The following ABLIM1 variants were observed in gnomAD, a reference collection of about 807,000 sequenced individuals.
ABLIM1 encodes the protein actin-binding LIM protein 1.
ABLIM1 carries 40 observed loss-of-function variants against 107.0 expected under a neutral mutation model. The ratio of observed to expected loss-of-function variants is 0.37; its 90% CI spans 0.29 to 0.49. The LOEUF is 0.49. ABLIM1 is among the 20% of genes least tolerant of loss of function. The pLI, the probability that ABLIM1 is intolerant of heterozygous loss-of-function variation, is 0.97. For missense variants in ABLIM1, 857 were observed against 1,008.5 expected (o/e 0.85, Z 2.04); for synonymous variants, 357 against 357.3 (o/e 1.00, Z 0.01).
rs1162464297 is a variant in ABLIM1 at position 114,550,520 on chromosome 10, A to G, written c.674-2744T>C. 4.6e-5 allele frequency among the ~76,000 whole-genome samples: 7 copies of G among 152,130 alleles called. No homozygotes were observed. The South Asian group carries it at 1.2e-3, about 27-fold the overall frequency. On this transcript the variant is annotated intron_variant, in intron 4 of 22. Transcript: ENST00000533213. ...TTAGCAACATCCCCCACCAGAGTGG[A>G]ACCATTGTTATAATTGATGAACTGA...
intron 6 of ABLIM1, among the ~76,000 whole-genome samples, chr10:114,511,765 A>G (rs958324156): frequency 6.6e-5 from 10 of 152,214 alleles, no homozygotes; most frequent in Non-Finnish European, 1.3e-4. Context: ...TGCATCAAAC[A>G]GGTCATCTGT....
chr10:114,751,619 G>A (rs148703205), intron 1 of ABLIM1, among the ~76,000 whole-genome samples: 3,028 of 151,706 alleles, frequency 0.02, 87 homozygotes, highest in African/African-American at 0.068. Flanking sequence ...GCATGGTGGC[G>A]CACACATGTA....
intron 1 of ABLIM1, among the ~76,000 whole-genome samples, chr10:114,728,070 G>A (rs964544025): frequency 1.3e-5 from 2 of 152,030 alleles, no homozygotes; most frequent in African/African-American, 4.8e-5. Flanking sequence ...GTAATCTATT[G>A]GAAAATGGAT....
intron 1 of ABLIM1, among the ~76,000 whole-genome samples, chr10:114,641,878 G>GTGGTT (rs2078769142): frequency 6.6e-6 from 1 of 151,732 alleles, no homozygotes. Flanking sequence ...TTTCCCCTAA[G>GTGGTT]TTGTTTTGTT....
chr10:114,574,065 T>C (rs1159123116), intron 3 of ABLIM1, among the ~76,000 whole-genome samples: 1 of 152,194 alleles, frequency 6.6e-6, no homozygotes, highest in East Asian at 1.9e-4. Flanking sequence ...TTGTGTCTTA[T>C]TATGATTTAT....
intron 1 of ABLIM1, among the ~76,000 whole-genome samples, chr10:114,698,043 CT>C (rs1182948593): frequency 3.3e-5 from 5 of 151,930 alleles, no homozygotes; most frequent in African/African-American, 7.3e-5. Context: ...ATTAATCCCC[CT>C]ATTAGTTAAT....
chr10:114,675,919 G>T (rs979825783), intron 1 of ABLIM1, among the ~76,000 whole-genome samples: 2 of 152,068 alleles, frequency 1.3e-5, no homozygotes, highest in South Asian at 4.1e-4. Context: ...TTTTACCTAT[G>T]CATGTCCATC....
chr10:114,464,270 T>C (rs1393800296), intron 12 of ABLIM1, among the ~76,000 whole-genome samples: 32 of 151,748 alleles, frequency 2.1e-4, no homozygotes, highest in Non-Finnish European at 4.4e-4. Context: ...ACTGCAACCT[T>C]TGCCTCCCAG....
intron 1 of ABLIM1, among the ~76,000 whole-genome samples, chr10:114,627,920 C>T (rs909149773): frequency 2.0e-5 from 3 of 152,014 alleles, no homozygotes; most frequent in Non-Finnish European, 4.4e-5. Flanking sequence ...GTCAGCAGTT[C>T]GAGACCAGCC....
intron 2 of ABLIM1, among the ~76,000 whole-genome samples, chr10:114,593,614 T>C (rs558075362): frequency 7.9e-5 from 12 of 152,298 alleles, no homozygotes; most frequent in Admixed American, 5.2e-4. Context: ...ATTATCTTTA[T>C]TGTACTAGAC....
intron 6 of ABLIM1, among the ~76,000 whole-genome samples, chr10:114,537,379 T>C (rs113475969): frequency 6.6e-6 from 1 of 152,204 alleles, no homozygotes; most frequent in Admixed American, 6.5e-5. Context: ...GTATTTATCA[T>C]CTCTGTCTCC....
chr10:114,707,761 C>T lies in ABLIM1; in HGVS notation c.-213+60300G>A, dbSNP rs1267284347. Among the ~76,000 whole-genome samples the T allele has an allele frequency of 6.6e-6, 1 of 151,932 alleles. No individual in the cohort carries two copies. Among genetic ancestry groups the T allele is most frequent in the Non-Finnish European group, 1.5e-5 (1 of 68,006 alleles). On this transcript the variant is annotated intron_variant, in intron 1 of 15. Transcript: ENST00000651092. This position sits in a 1 kb window ranked among gnomAD's most constrained non-coding sequence, Gnocchi z 4.1. ...ACTAAAAATACAAAAATTAGCCAGG[C>T]GTGGTGGCGGGTGCCTGTCATCCCA...
intron 1 of ABLIM1, among the ~76,000 whole-genome samples, chr10:114,741,207 A>T (rs1327728013): frequency 1.5e-5 from 2 of 136,090 alleles, no homozygotes; most frequent in Non-Finnish European, 3.1e-5. Flanking sequence ...CCTTGATAGG[A>T]CTATTCTTCT....
intron 4 of ABLIM1, among the ~76,000 whole-genome samples, chr10:114,569,528 C>G (rs2071337575): frequency 6.6e-6 from 1 of 152,130 alleles, no homozygotes; most frequent in African/African-American, 2.4e-5. Flanking sequence ...ACATGTTGGA[C>G]AGGCTAGTCT....
chr10:114,788,339 A>T, the ABLIM1 span, among the ~76,000 whole-genome samples: 11 of 131,086 alleles, frequency 8.4e-5, no homozygotes, highest in African/African-American at 3.4e-4. Flanking sequence ...AAAAATAAAA[A>T]AAAAAAAAAT....
chr10:114,474,502 T>C (rs934243758), intron 8 of ABLIM1, among the ~76,000 whole-genome samples: 2 of 151,174 alleles, frequency 1.3e-5, no homozygotes, highest in Non-Finnish European at 2.9e-5. Context: ...TGCCTCAGCC[T>C]CCCGAGTAGC....
intron 7 of ABLIM1, among the ~76,000 whole-genome samples, chr10:114,489,967 C>T (rs2058705170): frequency 6.6e-6 from 1 of 152,192 alleles, no homozygotes; most frequent in South Asian, 2.1e-4. Context: ...CTCTCTCCAG[C>T]CTCCAGAACC....
chr10:114,656,602 A>G (rs1423266970), intron 1 of ABLIM1, among the ~76,000 whole-genome samples: 2 of 152,206 alleles, frequency 1.3e-5, no homozygotes, highest in Admixed American at 1.3e-4. Flanking sequence ...ACACGAAAAA[A>G]GAAAAAAAAA....
At chr10:114,601,267 T>C (rs1291319804) in intron 2 of ABLIM1, among the ~76,000 whole-genome samples, 2 of 144,100 alleles carry the variant, frequency 1.4e-5, no homozygotes, top group African/African-American at 5.0e-5. Flanking sequence ...CTTTCTTTCT[T>C]TTTTTTTTTT....
Sources: gnomAD v4.1 joint callset for allele counts (sites outside exome capture counted in the v4.1 genomes callset) on GRCh38, gnomAD v4.1.1 for gene constraint, Gnocchi (gnomAD v3.1) non-coding constraint, MANE v1.5 for transcripts, NCBI Gene and HGNC (gene_info 2026-07-23, HGNC 2026-07-21) for gene names.